The following FRMD4A variants were observed in gnomAD, a reference collection of about 807,000 sequenced individuals.
The protein encoded by FRMD4A is FERM domain-containing protein 4A.
In FRMD4A, 29 loss-of-function variants were observed where a neutral mutation model predicts 129.1. The ratio of observed to expected loss-of-function variants is 0.22; its 90% CI spans 0.17 to 0.31. FRMD4A has a LOEUF of 0.31. FRMD4A is among the 10% of genes least tolerant of loss of function. FRMD4A has a pLI of 1.00. For missense variants in FRMD4A, 1,272 were observed against 1,375.8 expected, an observed-to-expected ratio of 0.92 and a Z score of 1.19; for synonymous variants, 634 against 571.6, an observed-to-expected ratio of 1.11 and a Z score of -1.56.
At chr10:14,185,580 T>C (rs1488875327) in intron 2 of FRMD4A, among the ~76,000 whole-genome samples, 1 of 151,902 alleles carries the variant, frequency 6.6e-6, no homozygotes, top group African/African-American at 2.4e-5. Context: ...CAATCTCGTC[T>C]TGTAAGAAAG....
At chr10:14,053,832 T>A (rs1424638323) in intron 2 of FRMD4A, among the ~76,000 whole-genome samples, 1 of 151,940 alleles carries the variant, frequency 6.6e-6, no homozygotes, top group Non-Finnish European at 1.5e-5. Context: ...GAGACCAGCC[T>A]GGGCAACATA....
At chr10:13,771,977 G>A (rs1363715681) in intron 6 of FRMD4A, among the ~76,000 whole-genome samples, 3 of 151,356 alleles carry the variant, frequency 2.0e-5, no homozygotes, top group African/African-American at 7.3e-5. Flanking sequence ...AGCTGGGTGT[G>A]GTGTCGCATG....
At chr10:14,003,569 A>G (rs2095650533) in intron 2 of FRMD4A, 1 of 152,214 alleles carries the variant, frequency 6.6e-6, no homozygotes. Flanking sequence ...ACGGAGATAC[A>G]GCAACTCTGT....
chr10:14,112,325 A>G (rs1040911673), intron 2 of FRMD4A, among the ~76,000 whole-genome samples: 2 of 152,110 alleles, frequency 1.3e-5, no homozygotes, highest in African/African-American at 4.8e-5. Flanking sequence ...AGGAGGATTA[A>G]TCTGGCAGGT....
intron 2 of FRMD4A, among the ~76,000 whole-genome samples, chr10:13,865,590 A>G (rs2131063768): frequency 6.6e-6 from 1 of 152,002 alleles, no homozygotes; most frequent in South Asian, 2.1e-4. Flanking sequence ...ATCTGGGACT[A>G]CAGGCACACA....
chr10:14,014,344 C>T (rs758773360), intron 2 of FRMD4A, among the ~76,000 whole-genome samples: 6 of 152,142 alleles, frequency 3.9e-5, no homozygotes, highest in Non-Finnish European at 8.8e-5. Context: ...TCACACGCCC[C>T]CCATTAATAT....
chr10:13,751,243 A>T (rs1303012560), intron 8 of FRMD4A, among the ~76,000 whole-genome samples: 2 of 152,184 alleles, frequency 1.3e-5, no homozygotes, highest in African/African-American at 4.8e-5. Context: ...GATGACAGCC[A>T]CAGGTTTGAT....
intron 2 of FRMD4A, among the ~76,000 whole-genome samples, chr10:14,036,200 CT>C: frequency 6.6e-6 from 1 of 152,338 alleles, no homozygotes; most frequent in South Asian, 2.1e-4. Context: ...TTGCACACTT[CT>C]GGTGGTGACC....
chr10:14,320,188 C>T (rs565767839), intron 2 of FRMD4A, among the ~76,000 whole-genome samples: 5 of 152,310 alleles, frequency 3.3e-5, no homozygotes, highest in African/African-American at 1.2e-4. Flanking sequence ...AAACACCCCA[C>T]TTCCCATGCC....
chr10:13,951,523 G>A (rs370941278), intron 2 of FRMD4A, among the ~76,000 whole-genome samples: 1 of 152,076 alleles, frequency 6.6e-6, no homozygotes, highest in African/African-American at 2.4e-5. Context: ...TACAGATGAA[G>A]GGATCCAACC....
intron 2 of FRMD4A, among the ~76,000 whole-genome samples, chr10:14,278,173 G>A (rs575457446): frequency 1.1e-4 from 16 of 152,282 alleles, no homozygotes; most frequent in East Asian, 5.8e-4. Flanking sequence ...GAGCTCTACC[G>A]TGTTGGTTCT....
intron 2 of FRMD4A, among the ~76,000 whole-genome samples, chr10:13,995,074 C>A (rs2095617721): frequency 6.6e-6 from 1 of 152,184 alleles, no homozygotes; most frequent in African/African-American, 2.4e-5. Flanking sequence ...ACCACTGGAT[C>A]TCTTAAGGAC....
intron 12 of FRMD4A, among the ~76,000 whole-genome samples, chr10:13,721,453 G>C (rs1032223567): frequency 6.6e-6 from 1 of 151,954 alleles, no homozygotes; most frequent in Non-Finnish European, 1.5e-5. Flanking sequence ...CTGCACTCCA[G>C]CATGGATGAT....
chr10:13,674,013 C>T (rs2083748792), intron 16 of FRMD4A, among the ~76,000 whole-genome samples: 2 of 152,076 alleles, frequency 1.3e-5, no homozygotes, highest in Admixed American at 1.3e-4. Context: ...AGTGATCCTC[C>T]TGCCTCAGCC....
chr10:14,262,137 C>T (rs1290673478), intron 2 of FRMD4A, among the ~76,000 whole-genome samples: 1 of 152,166 alleles, frequency 6.6e-6, no homozygotes, highest in Non-Finnish European at 1.5e-5. Context: ...CGGGGAAAAC[C>T]CATCTTCGAG....
rs1442395812 is a variant in FRMD4A at position 13,980,110 on chromosome 10, T to TAATG, written c.46-121202_46-121199dup. Among the ~76,000 whole-genome samples the TAATG allele has an allele frequency of 2.6e-5, 4 of 152,368 alleles. No homozygotes were observed. The East Asian group carries it at 7.7e-4, about 29-fold the overall frequency. On this transcript the variant is annotated intron_variant, in intron 2 of 24. Transcript: ENST00000357447. Reference sequence around the variant, plus strand: ...GAGGGCAGATGCAATTTTGGCAAACTAATGACTTTTGGAAGCCATTTTCTA... The same window carrying TAATG: ...GAGGGCAGATGCAATTTTGGCAAACTAATGAATGACTTTTGGAAGCCATTTTCTA...
chr10:13,710,260 C>CGAT (rs1414590448), intron 12 of FRMD4A, among the ~76,000 whole-genome samples: 3 of 152,234 alleles, frequency 2.0e-5, no homozygotes, highest in African/African-American at 7.2e-5. Context: ...CCTCCCCACC[C>CGAT]GATGAAGAAC....
intron 12 of FRMD4A, among the ~76,000 whole-genome samples, chr10:13,725,394 C>T (rs2089815123): frequency 6.6e-6 from 1 of 152,224 alleles, no homozygotes; most frequent in Non-Finnish European, 1.5e-5. Flanking sequence ...CAGGAGGTGC[C>T]TCCAAGCTTG....
At chr10:13,827,363 A>C (rs2093718138) in intron 3 of FRMD4A, among the ~76,000 whole-genome samples, 1 of 152,170 alleles carries the variant, frequency 6.6e-6, no homozygotes, top group Non-Finnish European at 1.5e-5. Context: ...CCGTTCCCAC[A>C]GCCTGGGGCA....
Sources: allele counts gnomAD v4.1 joint callset (sites outside exome capture counted in the v4.1 genomes callset), GRCh38; gene constraint gnomAD v4.1.1; transcripts MANE v1.5; gene names NCBI Gene and HGNC (gene_info 2026-07-23, HGNC 2026-07-21).